The following TADA2A variants were observed in gnomAD, a reference collection of about 807,000 sequenced individuals.
The protein encoded by TADA2A is transcriptional adaptor 2A.
In TADA2A, 38 loss-of-function variants were observed where a neutral mutation model predicts 67.4. That is an observed-to-expected ratio of 0.56 (90% CI 0.44 to 0.74). The LOEUF (loss-of-function observed/expected upper bound fraction) is 0.74. Ranked by LOEUF, TADA2A falls within the 30% of genes least tolerant of loss-of-function variation. The pLI is 0.00. For synonymous variants in TADA2A, 192 were observed against 181.6 expected (o/e 1.06, Z -0.46); for missense variants, 454 against 547.0 (o/e 0.83, Z 1.70).
intron 8 of TADA2A, chr17:37,454,224 G>A (rs563439864): frequency 6.4e-6 from 1 of 156,238 alleles, no homozygotes; most frequent in South Asian, 1.8e-4. Context: ...AGACACAAGA[G>A]GCGCTATGCC....
chr17:37,408,730 T>G (rs2051754473), intron 1 of TADA2A: 1 of 152,196 alleles, frequency 6.6e-6, no homozygotes, highest in African/African-American at 2.4e-5. Context: ...AAAAGTTCAG[T>G]AAATTTGGCA....
chr17:37,442,751 A>G, intron 7 of TADA2A, 99 bp downstream of exon 7: 1 of 1,113,732 alleles, frequency 9.0e-7, no homozygotes, highest in African/African-American at 1.6e-5. Context: ...CTAAAAGGAG[A>G]TTTTTCAAGG....
chr17:37,417,101 C>T (rs1429667178), intron 2 of TADA2A, among the ~76,000 whole-genome samples: 2 of 151,824 alleles, frequency 1.3e-5, no homozygotes, highest in South Asian at 2.1e-4. Flanking sequence ...TACAAAAGAC[C>T]GGGCACAATG....
intron 8 of TADA2A, among the ~76,000 whole-genome samples, chr17:37,447,624 A>G (rs2053120658): frequency 6.6e-6 from 1 of 152,216 alleles, no homozygotes; most frequent in South Asian, 2.1e-4. Context: ...AAAATAAAAA[A>G]GATGATAACA....
At chr17:37,421,991 G>A (rs1187084485) in intron 2 of TADA2A, among the ~76,000 whole-genome samples, 1 of 144,820 alleles carries the variant, frequency 6.9e-6, no homozygotes, top group East Asian at 2.2e-4. Context: ...CAGTTCTTCT[G>A]CCTCAGCCTC....
At chr17:37,466,671 C>G (rs369137397) in intron 11 of TADA2A, among the ~76,000 whole-genome samples, 1 of 152,210 alleles carries the variant, frequency 6.6e-6, no homozygotes, top group East Asian at 1.9e-4. Flanking sequence ...GTGGTTTGTA[C>G]CAGGTGACTG....
chr17:37,420,332 T>C (rs2052192722), intron 2 of TADA2A, among the ~76,000 whole-genome samples: 1 of 146,078 alleles, frequency 6.8e-6, no homozygotes, highest in Admixed American at 6.9e-5. Context: ...CGCAGTTTCA[T>C]ATATTGAATT....
At chr17:37,430,107 A>T (rs1158613094) in intron 4 of TADA2A, among the ~76,000 whole-genome samples, 1 of 152,212 alleles carries the variant, frequency 6.6e-6, no homozygotes, top group Non-Finnish European at 1.5e-5. Flanking sequence ...TCACTGTAGG[A>T]AAGCTGACCA....
rs1394834928 is a variant in TADA2A, at chr17:37,426,974, A to G, written c.157A>G (p.Lys53Glu). ...LQCFTRGFEY[K>E]KHQSDHTYEI... Reference sequence around the variant, plus strand: ...GTGTTTCACTCGAGGCTTTGAGTACAAGAAACATCAAAGCGATCATACTTA... The same window carrying G: ...GTGTTTCACTCGAGGCTTTGAGTACGAGAAACATCAAAGCGATCATACTTA... Residue 53 changes from lysine to glutamate, a missense_variant, in exon 4 of 16, where the codon AAG becomes GAG. Physicochemically the swap from Lys to Glu is moderately conservative, Grantham distance 56. Coordinates refer to ENST00000615182, the MANE Select transcript of TADA2A (RefSeq NM_001166105.3). The G allele has an allele frequency of 6.3e-7, 1 of 1,597,134 alleles. No homozygotes were observed. Among genetic ancestry groups the G allele is most frequent in the Non-Finnish European group, 8.5e-7 (1 of 1,175,482 alleles).
intron 8 of TADA2A, among the ~76,000 whole-genome samples, chr17:37,457,938 AT>A (rs1443423121): frequency 2.6e-5 from 4 of 152,160 alleles, no homozygotes; most frequent in African/African-American, 7.2e-5. Flanking sequence ...TTTAACTTTT[AT>A]TTTAAATTCA....
At chr17:37,453,887 C>A (rs1295641760) in intron 8 of TADA2A, among the ~76,000 whole-genome samples, 1 of 149,894 alleles carries the variant, frequency 6.7e-6, no homozygotes, top group Admixed American at 6.7e-5. Context: ...TCTCCTGCCT[C>A]AGCCTCCTGA....
intron 14 of TADA2A, among the ~76,000 whole-genome samples, chr17:37,472,536 C>T (rs1167530458): frequency 7.9e-5 from 12 of 152,000 alleles, no homozygotes; most frequent in African/African-American, 2.4e-4. Flanking sequence ...AATCTAAATA[C>T]AACTAAGTTA....
At chr17:37,418,679 C>T (rs991283812) in intron 2 of TADA2A, among the ~76,000 whole-genome samples, 1 of 145,296 alleles carries the variant, frequency 6.9e-6, no homozygotes, top group Non-Finnish European at 1.5e-5. Context: ...GCAACCTCCC[C>T]CTCCTGCGTT....
intron 10 of TADA2A, among the ~76,000 whole-genome samples, chr17:37,464,875 G>A (rs1343286259): frequency 1.3e-5 from 2 of 149,552 alleles, no homozygotes; most frequent in African/African-American, 2.5e-5. Flanking sequence ...GGCTGGGCGC[G>A]GTGGCTCATG....
chr17:37,469,604 G>C (rs962292779), intron 12 of TADA2A, among the ~76,000 whole-genome samples: 3 of 152,136 alleles, frequency 2.0e-5, no homozygotes, highest in Non-Finnish European at 4.4e-5. Context: ...TTGCACTCAA[G>C]CCTGGGCAAC....
At chr17:37,423,718 T>C in intron 3 of TADA2A, 103 bp downstream of exon 3, 1 of 809,840 alleles carries the variant, frequency 1.2e-6, no homozygotes, top group South Asian at 2.1e-5. Context: ...CTATGTCTTA[T>C]TAAATCTATT....
intron 8 of TADA2A, among the ~76,000 whole-genome samples, chr17:37,453,824 G>A (rs555961951): frequency 7.2e-6 from 1 of 138,368 alleles, no homozygotes; most frequent in South Asian, 2.3e-4. Flanking sequence ...AGGCTGGAGT[G>A]CAGTGGTGTG....
At chr17:37,465,393 A>G (rs779503196) in intron 10 of TADA2A, 38 bp from the exon 11 acceptor site, 1 of 1,500,206 alleles carries the variant, frequency 6.7e-7, no homozygotes, top group South Asian at 1.3e-5. Context: ...GGATCCTTAC[A>G]TTTCCCATGA....
At chr17:37,407,745 C>T (rs1206957335) in intron 1 of TADA2A, among the ~76,000 whole-genome samples, 1 of 152,032 alleles carries the variant, frequency 6.6e-6, no homozygotes, top group Non-Finnish European at 1.5e-5. Flanking sequence ...TGGGCCACCA[C>T]GCCCAGCTAA....
Sources: allele counts gnomAD v4.1 joint callset (sites outside exome capture counted in the v4.1 genomes callset), GRCh38; gene constraint gnomAD v4.1.1; transcripts MANE v1.5; gene names NCBI Gene and HGNC (gene_info 2026-07-23, HGNC 2026-07-21).